The following DPYD variants were observed in gnomAD, a reference collection of about 807,000 sequenced individuals.
The protein encoded by DPYD is dihydropyrimidine dehydrogenase, also known as dihydropyrimidine dehydrogenase [NADP(+)].
Under a neutral mutation model 116.2 loss-of-function variants are expected in DPYD, and 109 were observed. The observed-to-expected ratio is 0.94, with a 90% confidence interval of 0.80 to 1.10. The LOEUF (loss-of-function observed/expected upper bound fraction) is 1.10. Among genes scored for constraint, DPYD ranks in the 50% least tolerant of loss-of-function variants. The probability of loss-of-function intolerance (pLI) is 0.00; values close to 1 mark genes in which losing one functional copy is unlikely to be tolerated. For missense variants in DPYD, 1,302 were observed against 1,254.5 expected, an observed-to-expected ratio of 1.04 and a Z score of -0.57; for synonymous variants, 440 against 432.0, an observed-to-expected ratio of 1.02 and a Z score of -0.23.
At chr1:97,290,260 C>T in intron 18 of DPYD, among the ~76,000 whole-genome samples, 1 of 151,906 alleles carries the variant, frequency 6.6e-6, no homozygotes, top group African/African-American at 2.4e-5. Context: ...GCCATACTGC[C>T]CAAGGTAATT....
At chr1:97,195,850 G>A (rs548886467) in intron 19 of DPYD, among the ~76,000 whole-genome samples, 24 of 150,824 alleles carry the variant, frequency 1.6e-4, no homozygotes, top group East Asian at 1.4e-3. Context: ...TAAGTCAGGC[G>A]CTGCAGAAAG....
intron 6 of DPYD, among the ~76,000 whole-genome samples, chr1:97,698,351 AATTG>A (rs1282026936): frequency 6.6e-6 from 1 of 151,866 alleles, no homozygotes; most frequent in Non-Finnish European, 1.5e-5. Context: ...AATAATTGAT[AATTG>A]ATAATTTTAT....
At chr1:97,658,514 A>C (rs927752516) in intron 8 of DPYD, among the ~76,000 whole-genome samples, 2 of 152,138 alleles carry the variant, frequency 1.3e-5, no homozygotes, top group African/African-American at 4.8e-5. Context: ...CTAGTGGTTT[A>C]TTTTTTAATG....
At chr1:97,642,898 T>A (rs1024738587) in intron 8 of DPYD, among the ~76,000 whole-genome samples, 130 of 147,922 alleles carry the variant, frequency 8.8e-4, no homozygotes, top group African/African-American at 3.0e-3. Context: ...AAAATTAAAT[T>A]AAATTAAATT....
At chr1:97,432,582 G>A (rs1347624801) in intron 14 of DPYD, among the ~76,000 whole-genome samples, 1 of 151,584 alleles carries the variant, frequency 6.6e-6, no homozygotes. Context: ...CTATGTGTGG[G>A]TCTGCTTCTA....
At chr1:97,268,579 G>T (rs900276973) in intron 18 of DPYD, among the ~76,000 whole-genome samples, 8 of 152,090 alleles carry the variant, frequency 5.3e-5, no homozygotes, top group African/African-American at 1.9e-4. Context: ...ACACTGTGAA[G>T]GTTTGCAGCT....
Position 97,358,296 on chromosome 1 carries a change from G to A in DPYD, c.2058+15265C>T, listed in dbSNP as rs527748971. Among the ~76,000 whole-genome samples the A allele has an allele frequency of 2.0e-5, 3 of 152,334 alleles. No homozygotes were observed. In the South Asian group the frequency reaches 6.2e-4, roughly 32 times the overall value. On this transcript the variant is annotated intron_variant, in intron 16 of 22. Coordinates refer to ENST00000370192, the MANE Select transcript of DPYD (RefSeq NM_000110.4). ...GCTTGAATAGGTAAACATAGCAGCT[G>A]GGGAAGCTAGAACTCGGTGGAGCCC...
chr1:97,862,427 A>G (rs1671165232), intron 2 of DPYD, among the ~76,000 whole-genome samples: 1 of 151,850 alleles, frequency 6.6e-6, no homozygotes, highest in Non-Finnish European at 1.5e-5. Flanking sequence ...AATATATTAA[A>G]TAAGCAAAAA....
chr1:97,701,211 GAAATATATATATACC>G (rs1661580220), intron 5 of DPYD, among the ~76,000 whole-genome samples: 1 of 147,346 alleles, frequency 6.8e-6, no homozygotes, highest in Non-Finnish European at 1.5e-5. Context: ...ATATATATAT[GAAATATATATATACC>G]AATATTAGAA....
intron 18 of DPYD, among the ~76,000 whole-genome samples, chr1:97,304,635 A>G (rs1667052974): frequency 6.6e-6 from 1 of 152,026 alleles, no homozygotes; most frequent in Admixed American, 6.6e-5. Context: ...AGAACCTTAC[A>G]GCATTGTCTT....
chr1:97,683,682 C>T (rs570515968), intron 7 of DPYD, among the ~76,000 whole-genome samples: 13 of 151,982 alleles, frequency 8.6e-5, no homozygotes, highest in African/African-American at 2.7e-4. Flanking sequence ...AGCCATTTCT[C>T]CTAAAGGGAA....
chr1:97,697,997 T>G (rs919138638), intron 6 of DPYD, among the ~76,000 whole-genome samples: 8 of 152,160 alleles, frequency 5.3e-5, no homozygotes, highest in African/African-American at 1.9e-4. Context: ...CATATATTGT[T>G]AATAGATTAT....
intron 8 of DPYD, among the ~76,000 whole-genome samples, chr1:97,657,462 C>G (rs192614600): frequency 6.6e-6 from 1 of 152,228 alleles, no homozygotes; most frequent in East Asian, 1.9e-4. Context: ...ACTCTTATGA[C>G]TTATAAAGTT....
At chr1:97,607,091 G>A (rs1211686444) in intron 8 of DPYD, among the ~76,000 whole-genome samples, 1 of 151,828 alleles carries the variant, frequency 6.6e-6, no homozygotes, top group Non-Finnish European at 1.5e-5. Context: ...ATTCCCTAGA[G>A]GTATGTTTTC....
intron 12 of DPYD, among the ~76,000 whole-genome samples, chr1:97,544,351 C>T (rs1045376601): frequency 2.6e-5 from 4 of 152,090 alleles, no homozygotes; most frequent in African/African-American, 9.7e-5. Flanking sequence ...AGATTTTTAC[C>T]TACCTTCCAT....
chr1:97,872,243 T>C (rs1671692463), intron 2 of DPYD, among the ~76,000 whole-genome samples: 2 of 152,050 alleles, frequency 1.3e-5, no homozygotes, highest in Non-Finnish European at 2.9e-5. Flanking sequence ...AATTGAAACA[T>C]ACCTTACACA....
intron 11 of DPYD, among the ~76,000 whole-genome samples, chr1:97,550,655 T>C (rs1172241019): frequency 6.6e-6 from 1 of 152,154 alleles, no homozygotes; most frequent in Admixed American, 6.6e-5. Flanking sequence ...GGTAACGTCA[T>C]AATTTTTAAG....
At chr1:97,229,215 A>G (rs1319453438) in intron 19 of DPYD, among the ~76,000 whole-genome samples, 2 of 143,090 alleles carry the variant, frequency 1.4e-5, no homozygotes, top group African/African-American at 5.7e-5. Context: ...AAAAAAAAAA[A>G]AAAAGAAAAA....
At chr1:97,315,675 G>A (rs970128688) in intron 16 of DPYD, among the ~76,000 whole-genome samples, 3 of 151,928 alleles carry the variant, frequency 2.0e-5, no homozygotes, top group African/African-American at 4.8e-5. Flanking sequence ...CTTACTGAGA[G>A]GAATTCAAGA....
Sources: gnomAD v4.1 joint callset for allele counts (sites outside exome capture counted in the v4.1 genomes callset) on GRCh38, gnomAD v4.1.1 for gene constraint, MANE v1.5 for transcripts, NCBI Gene and HGNC (gene_info 2026-07-23, HGNC 2026-07-21) for gene names.